Variants in SLC35G2 observed in about 807,000 individuals in gnomAD.
SLC35G2 encodes transmembrane protein 22.
Under a neutral mutation model 27.2 loss-of-function variants are expected in SLC35G2, and 20 were observed. That is an observed-to-expected ratio of 0.74 (90% CI 0.52 to 1.07). SLC35G2 has a LOEUF of 1.07. Ranked by LOEUF, SLC35G2 falls within the 50% of genes least tolerant of loss-of-function variation. The pLI is 0.00. For synonymous variants in SLC35G2, 148 were observed against 165.3 expected (o/e 0.90, Z 0.80); for missense variants, 416 against 493.3 (o/e 0.84, Z 1.48).
rs571313727 is a variant in SLC35G2, at chr3:136,827,459, C to T, written c.-19+7831C>T. On this transcript the variant is annotated intron_variant, in intron 1 of 1. Transcript: ENST00000446465. ...AAATTACTGGGCTCAAGCAATCTGCCGGCCTCAGCCTCTCAAATTGCTGGC... is the reference window on the plus strand; with the variant it reads ...AAATTACTGGGCTCAAGCAATCTGCTGGCCTCAGCCTCTCAAATTGCTGGC... Among the ~76,000 whole-genome samples the T allele has an allele frequency of 7.9e-5, 12 of 152,290 alleles. No individual in the cohort carries two copies. In the South Asian group the frequency reaches 1.2e-3, roughly 16 times the overall value.
chr3:136,843,402 G>C (rs1249604674), intron 1 of SLC35G2: 1 of 150,948 alleles, frequency 6.6e-6, no homozygotes, highest in Non-Finnish European at 1.5e-5. Context: ...CCAGCACTTA[G>C]GGAGGCTGAG....
chr3:136,854,056 C>A (rs974571487), intron 1 of SLC35G2, among the ~76,000 whole-genome samples: 4 of 152,064 alleles, frequency 2.6e-5, no homozygotes, highest in African/African-American at 9.7e-5. Flanking sequence ...TTATAACAGG[C>A]AAATGGACCC....
intron 1 of SLC35G2, among the ~76,000 whole-genome samples, chr3:136,822,794 T>C (rs553677010): frequency 1.7e-4 from 26 of 152,194 alleles, no homozygotes; most frequent in Admixed American, 4.6e-4. Flanking sequence ...TAGTACTCCA[T>C]TGTATGTAAA....
At chr3:136,848,748 A>C (rs1937507583) in intron 1 of SLC35G2, among the ~76,000 whole-genome samples, 1 of 152,212 alleles carries the variant, frequency 6.6e-6, no homozygotes, top group African/African-American at 2.4e-5. Flanking sequence ...ATTACACATA[A>C]AGATGGAAAT....
rs1183820168 is a variant in SLC35G2 at position 136,855,603 on chromosome 3, T to C, written c.1143T>C (p.Ile381=). The change falls in exon 2 of 2, where the codon ATT becomes ATC. Residue 381 remains isoleucine (I), a synonymous_variant. Transcript: ENST00000446465. ...ATGATGTTTTTGGAGGGGTAATCATTATGATTAGTGTTTTTGTCCTTGCTG... is the reference window on the plus strand; with the variant it reads ...ATGATGTTTTTGGAGGGGTAATCATCATGATTAGTGTTTTTGTCCTTGCTG... ...SIYDVFGGVI[I]MISVFVLAGY... is the part of the protein sequence containing the mutation. 1 of 1,613,918 alleles carries C rather than the reference T, an allele frequency of 6.2e-7. No homozygotes were observed. The highest frequency in any genetic ancestry group is 2.2e-5 in the East Asian group (1 of 44,892).
chr3:136,831,579 C>A (rs1052355433), intron 1 of SLC35G2, among the ~76,000 whole-genome samples: 1 of 152,096 alleles, frequency 6.6e-6, no homozygotes, highest in East Asian at 1.9e-4. Context: ...GAGAATGAAC[C>A]AGATTGTTCA....
In SLC35G2 at chr3:136,855,884, C is replaced by T. The variant is rs145444888; in HGVS notation, c.*185C>T. 94 of 492,638 alleles carry T rather than the reference C, an allele frequency of 1.9e-4. No individual in the cohort carries two copies. Among genetic ancestry groups the T allele is most frequent in the African/African-American group, 7.2e-4 (36 of 50,348 alleles). The allele number at this position is 492,638 out of a possible 1,614,324, so 30.5% of individuals were successfully genotyped here. A position where few individuals can be genotyped will look rare whatever the true frequency, so the allele number is the denominator to read the frequency against. On this transcript the variant is annotated 3_prime_UTR_variant, in exon 2 of 2. Coordinates refer to ENST00000446465, the MANE Select transcript of SLC35G2 (RefSeq NM_025246.3). The stretch of plus-strand genomic sequence containing the variant: ...ATACAAATATTAAATATATGAAATA[C>T]GTTATGAATCTGGTATCTTTATTGG...
intron 1 of SLC35G2, among the ~76,000 whole-genome samples, chr3:136,849,391 G>A (rs1356457032): frequency 6.6e-6 from 1 of 151,230 alleles, no homozygotes; most frequent in Non-Finnish European, 1.5e-5. Flanking sequence ...TATACATGTA[G>A]AAACTAAAGT....
intron 1 of SLC35G2, among the ~76,000 whole-genome samples, chr3:136,844,700 T>C (rs1303643924): frequency 7.0e-6 from 1 of 143,612 alleles, no homozygotes; most frequent in Non-Finnish European, 1.5e-5. Flanking sequence ...CTCGTGAGGC[T>C]GAGGCACGAA....
intron 1 of SLC35G2, among the ~76,000 whole-genome samples, chr3:136,852,568 C>T (rs1431792414): frequency 6.6e-6 from 1 of 151,336 alleles, no homozygotes; most frequent in East Asian, 1.9e-4. Flanking sequence ...TCTTGGCTCA[C>T]TGCAACCTCC....
At chr3:136,852,435 T>A (rs540826132) in intron 1 of SLC35G2, among the ~76,000 whole-genome samples, 7 of 151,792 alleles carry the variant, frequency 4.6e-5, no homozygotes, top group Non-Finnish European at 8.8e-5. Flanking sequence ...CTGGAACCGA[T>A]GAGTTTTTGG....
rs191048830 is a variant in SLC35G2 at position 136,833,968 on chromosome 3, G to A, written c.-19+14340G>A. On this transcript the variant is annotated intron_variant, in intron 1 of 1. Transcript: ENST00000446465. ...ATACAATGCTACTGTATATGGTATT[G>A]TATAGTAACCGTAAACAATAGCATT... 4.0e-5 allele frequency among the ~76,000 whole-genome samples: 6 copies of A among 151,362 alleles called. No individual in the cohort carries two copies. In the East Asian group the frequency reaches 1.2e-3, roughly 29 times the overall value.
intron 1 of SLC35G2, among the ~76,000 whole-genome samples, chr3:136,850,991 A>G (rs1368286849): frequency 6.6e-6 from 1 of 152,170 alleles, no homozygotes; most frequent in Admixed American, 6.5e-5. Context: ...TCTCAAAATA[A>G]TTATTATTTG....
chr3:136,842,778 A>G (rs1247052659), intron 1 of SLC35G2: 3 of 152,238 alleles, frequency 2.0e-5, no homozygotes, highest in African/African-American at 7.2e-5. Flanking sequence ...AATATGAATG[A>G]GAGCTCTCTT....
At position 136,838,246 on chromosome 3, in the gene SLC35G2, CATATAT is replaced by C. The variant is rs6148084; in HGVS notation, c.-18-16165_-18-16160del. 201 of 141,018 alleles carry C rather than the reference CATATAT, an allele frequency of 1.4e-3. 1 individual carries two copies. The highest frequency in any genetic ancestry group is 3.6e-3 in the Middle Eastern group (1 of 280). 8.7% of individuals were successfully genotyped at this position (141,018 alleles called of 1,614,324 possible). On this transcript the variant is annotated intron_variant, in intron 1 of 1. Transcript: ENST00000446465. ...CTCTTCAATTTTGCAGTAGCATATA[CATATAT>C]ATATATATATATATATATATATATA... is the stretch of plus-strand genomic sequence containing the variant.
At chr3:136,846,114 T>A (rs1381663614) in intron 1 of SLC35G2, among the ~76,000 whole-genome samples, 1 of 152,128 alleles carries the variant, frequency 6.6e-6, no homozygotes, top group East Asian at 1.9e-4. Context: ...CAAGAGGGAA[T>A]TCTTTAGCCA....
chr3:136,847,471 A>T (rs1937439601), intron 1 of SLC35G2, among the ~76,000 whole-genome samples: 1 of 152,236 alleles, frequency 6.6e-6, no homozygotes, highest in Admixed American at 6.5e-5. Context: ...AGAGAATTCT[A>T]ACGTATATCA....
At chr3:136,822,870 A>G (rs758784520) in intron 1 of SLC35G2, among the ~76,000 whole-genome samples, 26 of 152,232 alleles carry the variant, frequency 1.7e-4, no homozygotes, top group Non-Finnish European at 3.7e-4. Flanking sequence ...GGCAACAAAC[A>G]TGGGAATGCA....
chr3:136,847,589 G>GA (rs1011121641), intron 1 of SLC35G2, among the ~76,000 whole-genome samples: 90 of 147,790 alleles, frequency 6.1e-4, no homozygotes, highest in African/African-American at 1.8e-3. Flanking sequence ...ATCTCAAAAA[G>GA]AAAAAAAAAA....
Sources: allele counts gnomAD v4.1 joint callset (sites outside exome capture counted in the v4.1 genomes callset), GRCh38; gene constraint gnomAD v4.1.1; transcripts MANE v1.5; gene names NCBI Gene and HGNC (gene_info 2026-07-23, HGNC 2026-07-21).